TUSC3: variants seen among roughly 807,000 people sequenced by gnomAD.
TUSC3 encodes tumor suppressor candidate 3.
TUSC3 carries 45 observed loss-of-function variants against 44.8 expected under a neutral mutation model. The observed-to-expected ratio is 1.00, with a 90% CI of 0.79 to 1.29. The LOEUF (loss-of-function observed/expected upper bound fraction) is 1.29, where lower values mean the gene tolerates loss of function less well. Among genes scored for constraint, TUSC3 ranks in the 50% most tolerant of loss-of-function variants. The pLI is 0.00. For missense variants in TUSC3, 519 were observed against 437.9 expected (o/e 1.19, Z -1.65); for synonymous variants, 212 against 152.9 (o/e 1.39, Z -2.85).
At chr8:15,417,421 T>G (rs895235260) in intron 1 of TUSC3, 36 of 152,166 alleles carry the variant, frequency 2.4e-4, no homozygotes, top group African/African-American at 8.4e-4. Context: ...CTCTGCAAAG[T>G]CACAGTGAGT....
At chr8:15,523,140 C>G (rs554202058) in intron 2 of TUSC3, among the ~76,000 whole-genome samples, 3 of 152,222 alleles carry the variant, frequency 2.0e-5, no homozygotes, top group East Asian at 1.9e-4. Context: ...AAGTTTCTTT[C>G]CATTTGTTCT....
At chr8:15,433,934 C>G (rs958815520) in intron 1 of TUSC3, among the ~76,000 whole-genome samples, 3 of 151,984 alleles carry the variant, frequency 2.0e-5, no homozygotes, top group African/African-American at 7.3e-5. Flanking sequence ...TTGTACAGAG[C>G]TTTCTGTGGA....
chr8:15,465,106 C>T (rs933201026), intron 1 of TUSC3, among the ~76,000 whole-genome samples: 18 of 152,172 alleles, frequency 1.2e-4, no homozygotes, highest in African/African-American at 4.3e-4. Flanking sequence ...CCTTGGCTCC[C>T]AAATTGCTGG....
rs58526383 is a variant in TUSC3 at position 15,648,725 on chromosome 8, CAAAAAAAAAAAAAA to C, written c.309-1954_309-1941del. 3.4e-3 allele frequency among the ~76,000 whole-genome samples: 88 copies of C among 26,158 alleles called. 1 individual carries two copies. Among genetic ancestry groups the C allele is most frequent in the African/African-American group, 8.8e-3 (68 of 7,692 alleles). 17.2% of individuals were successfully genotyped at this position (26,158 alleles called of 152,430 possible). A position where few individuals can be genotyped will look rare whatever the true frequency, so the allele number is the denominator to read the frequency against. ...TGGGTGACAGAGCAAGACTCTGTGT[CAAAAAAAAAAAAAA>C]AAAAAAAAAAAAAAAAAGACATCTC... On this transcript the variant is annotated intron_variant, in intron 2 of 10. Coordinates refer to ENST00000503731, the MANE Select transcript of TUSC3 (RefSeq NM_006765.4).
chr8:15,589,392 A>G (rs1392527061), intron 1 of TUSC3, among the ~76,000 whole-genome samples: 2 of 152,192 alleles, frequency 1.3e-5, no homozygotes, highest in African/African-American at 2.4e-5. Context: ...GTTGTAGACA[A>G]TAGCATAGGT....
At chr8:15,846,681 G>C in the TUSC3 span, among the ~76,000 whole-genome samples, 1 of 152,150 alleles carries the variant, frequency 6.6e-6, no homozygotes, top group East Asian at 1.9e-4. Context: ...AGAACACATG[G>C]ACACAGGGAG....
chr8:15,427,616 C>G (rs113675825), intron 1 of TUSC3, among the ~76,000 whole-genome samples: 1 of 152,116 alleles, frequency 6.6e-6, no homozygotes, highest in Non-Finnish European at 1.5e-5. Flanking sequence ...CTTTCATTCC[C>G]GCTGTAAAGA....
intron 7 of TUSC3, among the ~76,000 whole-genome samples, chr8:15,736,483 A>C (rs1810944007): frequency 1.3e-5 from 2 of 152,176 alleles, no homozygotes; most frequent in South Asian, 4.1e-4. Context: ...CAAATGATAA[A>C]ATTAAGGTAG....
chr8:15,829,144 C>G, the TUSC3 span, among the ~76,000 whole-genome samples: 2 of 152,094 alleles, frequency 1.3e-5, no homozygotes, highest in Non-Finnish European at 2.9e-5. Flanking sequence ...ATGTGCACTA[C>G]AATTGCATGG....
the TUSC3 span, among the ~76,000 whole-genome samples, chr8:15,850,288 T>C: frequency 1.3e-5 from 2 of 152,316 alleles, no homozygotes; most frequent in African/African-American, 4.8e-5. Context: ...TTCAGAAATG[T>C]TGTGGCAGCA....
intron 5 of TUSC3, among the ~76,000 whole-genome samples, chr8:15,670,556 A>C (rs1025678891): frequency 1.3e-5 from 2 of 151,892 alleles, no homozygotes; most frequent in African/African-American, 4.8e-5. Context: ...GTGAATCTAA[A>C]AGTAAAATGC....
intron 1 of TUSC3, among the ~76,000 whole-genome samples, chr8:15,610,840 G>A (rs563282943): frequency 2.4e-4 from 36 of 152,216 alleles, no homozygotes; most frequent in Admixed American, 2.3e-3. Context: ...GCTCTCCGGG[G>A]TACAAAGATG....
intron 1 of TUSC3, among the ~76,000 whole-genome samples, chr8:15,621,615 C>T (rs1447854054): frequency 6.8e-6 from 1 of 146,642 alleles, no homozygotes; most frequent in Non-Finnish European, 1.5e-5. Flanking sequence ...ATAAATTATA[C>T]ATAAATATTA....
chr8:15,468,036 A>G (rs991016283), intron 1 of TUSC3, among the ~76,000 whole-genome samples: 3 of 152,212 alleles, frequency 2.0e-5, no homozygotes, highest in Non-Finnish European at 4.4e-5. Flanking sequence ...TAGGTAAAAT[A>G]CTGATTAGTA....
At chr8:15,596,110 C>T (rs1040264083) in intron 1 of TUSC3, among the ~76,000 whole-genome samples, 1 of 152,162 alleles carries the variant, frequency 6.6e-6, no homozygotes, top group Non-Finnish European at 1.5e-5. Context: ...AATGAGTTTA[C>T]AAGAGGCGTT....
At chr8:15,838,611 G>A in the TUSC3 span, among the ~76,000 whole-genome samples, 3 of 152,050 alleles carry the variant, frequency 2.0e-5, no homozygotes, top group Non-Finnish European at 4.4e-5. Flanking sequence ...TATTAAATAG[G>A]GAATCCTTTC....
intron 2 of TUSC3, among the ~76,000 whole-genome samples, chr8:15,633,922 A>G (rs143083470): frequency 3.9e-5 from 6 of 152,146 alleles, no homozygotes; most frequent in African/African-American, 1.4e-4. Flanking sequence ...GATTCTCACC[A>G]TAAACAAAAC....
intron 3 of TUSC3, among the ~76,000 whole-genome samples, chr8:15,658,591 A>G (rs898361931): frequency 6.6e-6 from 1 of 151,554 alleles, no homozygotes; most frequent in Non-Finnish European, 1.5e-5. Flanking sequence ...TTTTTTTTAT[A>G]ATTCCTGGGC....
chr8:15,546,694 C>T (rs1045188811), intron 1 of TUSC3, among the ~76,000 whole-genome samples: 1 of 151,496 alleles, frequency 6.6e-6, no homozygotes, highest in Non-Finnish European at 1.5e-5. Flanking sequence ...CGCCACCATG[C>T]CTGGCTAATT....
Sources: allele counts gnomAD v4.1 joint callset (sites outside exome capture counted in the v4.1 genomes callset), GRCh38; gene constraint gnomAD v4.1.1; transcripts MANE v1.5; gene names NCBI Gene and HGNC (gene_info 2026-07-23, HGNC 2026-07-21).